The following ACOT7 variants were observed in gnomAD, a reference collection of about 807,000 sequenced individuals.
ACOT7 encodes the protein acyl-CoA thioesterase 7, also known as cytosolic acyl coenzyme A thioester hydrolase.
ACOT7 carries 12 observed loss-of-function variants against 40.2 expected under a neutral mutation model. The ratio of observed to expected loss-of-function variants is 0.30; its 90% CI spans 0.19 to 0.48. The LOEUF (loss-of-function observed/expected upper bound fraction) is 0.48. ACOT7 is among the 20% of genes least tolerant of loss of function. The probability of loss-of-function intolerance (pLI) is 0.99; values close to 1 mark genes in which losing one functional copy is unlikely to be tolerated. For missense variants in ACOT7, 395 were observed against 530.8 expected (o/e 0.74, Z 2.51); for synonymous variants, 228 against 219.5 (o/e 1.04, Z -0.34).
intron 6 of ACOT7, among the ~76,000 whole-genome samples, chr1:6,312,530 T>C (rs1640368494): frequency 1.3e-5 from 2 of 150,502 alleles, no homozygotes; most frequent in African/African-American, 2.4e-5. Context: ...TGGAGTGGCA[T>C]GATCTTGGCT....
chr1:6,297,961 A>G (rs1414730792), intron 6 of ACOT7, among the ~76,000 whole-genome samples: 1 of 152,150 alleles, frequency 6.6e-6, no homozygotes, highest in Non-Finnish European at 1.5e-5. Flanking sequence ...TTAAAGCATT[A>G]TGTTTTTATT....
At chr1:6,367,689 A>T (rs140467101) in intron 1 of ACOT7, among the ~76,000 whole-genome samples, 6 of 152,264 alleles carry the variant, frequency 3.9e-5, no homozygotes, top group Non-Finnish European at 7.4e-5. Context: ...CCAAAGAGGG[A>T]GTCACAACCC....
chr1:6,339,724 T>C lies in ACOT7; in HGVS notation c.262-135A>G. 6.8e-6 allele frequency: 7 copies of C among 1,027,284 alleles called. No individual in the cohort carries two copies. In the South Asian group the frequency reaches 1.3e-4, roughly 18 times the overall value. The allele number at this position is 1,027,284 out of a possible 1,614,324, so 63.6% of individuals were successfully genotyped here. ...TGTGAAAGCAACCAATGTATCACCA[T>C]TTATTGGCACCGCGGTTTTTTTTTT... On this transcript the variant is annotated intron_variant, in intron 2 of 8. Transcript: ENST00000361521.
chr1:6,391,787 A>ACTAC (rs1364741795), intron 1 of ACOT7, among the ~76,000 whole-genome samples: 1 of 152,172 alleles, frequency 6.6e-6, no homozygotes, highest in Non-Finnish European at 1.5e-5. Flanking sequence ...TAAGGGTGGC[A>ACTAC]CTACCGACCA....
chr1:6,270,980 C>T (rs1639017622), intron 8 of ACOT7, among the ~76,000 whole-genome samples: 1 of 152,178 alleles, frequency 6.6e-6, no homozygotes, highest in Admixed American at 6.5e-5. Flanking sequence ...TACGCTCCCT[C>T]CCTGGTGCTC....
At chr1:6,308,525 A>T (rs1264478522) in intron 6 of ACOT7, among the ~76,000 whole-genome samples, 5 of 151,948 alleles carry the variant, frequency 3.3e-5, no homozygotes, top group Non-Finnish European at 7.4e-5. Context: ...GGGCAGAGGG[A>T]ACCACAACAG....
At chr1:6,296,400 C>A (rs1188126792) in intron 6 of ACOT7, among the ~76,000 whole-genome samples, 1 of 151,924 alleles carries the variant, frequency 6.6e-6, no homozygotes, top group Non-Finnish European at 1.5e-5. Context: ...TGGTACAACA[C>A]ATATATTACA....
Position 6,388,068 on chromosome 1 carries a change from GT to G in ACOT7, c.143+5188del, listed in dbSNP as rs202170799. Reference sequence around the variant, plus strand: ...CGATTCTCCTGCCTCAGCTTCCCAAGTAACTGGGATTACAGGCACCCGCCAC... The same window carrying G: ...CGATTCTCCTGCCTCAGCTTCCCAAGAACTGGGATTACAGGCACCCGCCAC... On this transcript the variant is annotated intron_variant, in intron 1 of 8. Coordinates refer to ENST00000361521, the MANE Select transcript of ACOT7 (RefSeq NM_007274.4). Among the ~76,000 whole-genome samples, 223 of 148,866 alleles carry G rather than the reference GT, an allele frequency of 1.5e-3. 4 individuals are homozygous for G. In the East Asian group the frequency reaches 0.042, roughly 28 times the overall value.
rs558046352 is a variant in ACOT7, at chr1:6,353,271, A to T, written c.144-3405T>A. On this transcript the variant is annotated intron_variant, in intron 1 of 8. Transcript: ENST00000361521. ...GAAGAGTACGTTGCAGTGAGCCACA[A>T]TTGCACCACTGCACTCAAGCCTGGG... 2.0e-5 allele frequency among the ~76,000 whole-genome samples: 3 copies of T among 152,004 alleles called. No homozygotes were observed. The South Asian group carries it at 6.2e-4, about 32-fold the overall frequency.
rs58594477 is a variant in ACOT7 at position 6,344,763 on chromosome 1, CAAAAAAAAAAA to C, written c.261+4975_261+4985del. Reference sequence around the variant, plus strand: ...TGGGCGACAGAGCAAGACTCTGTCTCAAAAAAAAAAAAAAAAAAAAAAAAAAAGAAAAGAAG... The same window carrying C: ...TGGGCGACAGAGCAAGACTCTGTCTCAAAAAAAAAAAAAAAAGAAAAGAAG... On this transcript the variant is annotated intron_variant, in intron 2 of 8. Transcript: ENST00000361521. Among the ~76,000 whole-genome samples, 28 of 56,044 alleles carry C rather than the reference CAAAAAAAAAAA, an allele frequency of 5.0e-4. 1 individual carries two copies. The South Asian group carries it at 0.016, about 33-fold the overall frequency. 36.8% of individuals were successfully genotyped at this position (56,044 alleles called of 152,430 possible).
intron 1 of ACOT7, among the ~76,000 whole-genome samples, chr1:6,371,888 T>TA (rs1642139901): frequency 6.6e-6 from 1 of 151,510 alleles, no homozygotes; most frequent in African/African-American, 2.4e-5. Flanking sequence ...CTTCTAAAAA[T>TA]AAAAAAATTA....
chr1:6,321,943 G>C (rs1262481762), intron 5 of ACOT7, among the ~76,000 whole-genome samples: 2 of 152,220 alleles, frequency 1.3e-5, no homozygotes, highest in African/African-American at 4.8e-5. Flanking sequence ...TGGGTTTCAG[G>C]GTGTACTAAA....
intron 2 of ACOT7, 24 bp downstream of exon 2, chr1:6,349,725 G>A: frequency 1.2e-6 from 2 of 1,603,764 alleles, no homozygotes; most frequent in Non-Finnish European, 1.7e-6. Context: ...CCAGGGCCCA[G>A]AGGTATGGGG....
intron 2 of ACOT7, among the ~76,000 whole-genome samples, chr1:6,341,717 G>A (rs1159763035): frequency 6.6e-6 from 1 of 152,190 alleles, no homozygotes; most frequent in African/African-American, 2.4e-5. Flanking sequence ...GCTCCAGCCT[G>A]GGCGACAGAG....
intron 1 of ACOT7, among the ~76,000 whole-genome samples, chr1:6,388,078 T>C (rs1642469410): frequency 1.3e-5 from 2 of 151,192 alleles, no homozygotes; most frequent in Non-Finnish European, 3.0e-5. Flanking sequence ...GTAACTGGGA[T>C]TACAGGCACC....
Position 6,278,079 on chromosome 1 carries a change from T to TGG in ACOT7, c.1014+3021_1014+3022dup, listed in dbSNP as rs1204245223. ...CTGACAGTCCACGCAGCGTCTGCAG[T>TGG]GGCGGGGGGTGGTTGGGAGGGGGTC... On this transcript the variant is annotated intron_variant, in intron 8 of 8. Transcript: ENST00000361521. The surrounding 1 kb of genome is among the most constrained non-coding windows in gnomAD (Gnocchi z 4.1). Among the ~76,000 whole-genome samples, 3 of 100,698 alleles carry TGG rather than the reference T, an allele frequency of 3.0e-5. No individual in the cohort carries two copies. The highest frequency in any genetic ancestry group is 1.7e-4 in the African/African-American group (3 of 17,892). 66.1% of individuals were successfully genotyped at this position (100,698 alleles called of 152,430 possible).
At chr1:6,329,958 G>A (rs990143115) in intron 4 of ACOT7, among the ~76,000 whole-genome samples, 1 of 152,172 alleles carries the variant, frequency 6.6e-6, no homozygotes, top group African/African-American at 2.4e-5. Context: ...GGCTGGGGAG[G>A]AAGGTGGAGC....
Position 6,280,153 on chromosome 1 carries a change from G to A in ACOT7, c.1014+949C>T, listed in dbSNP as rs369367953. On this transcript the variant is annotated intron_variant, in intron 8 of 8. Transcript: ENST00000361521. ...TCCATGAGAACGCCAGCTCCCAAGA[G>A]GCCTGCGGGCACCCGCCTGCTCCCA... Among the ~76,000 whole-genome samples the A allele has an allele frequency of 2.6e-4, 40 of 152,372 alleles. 1 individual carries two copies. In the East Asian group the frequency reaches 7.3e-3, roughly 28 times the overall value.
At position 6,333,035 on chromosome 1, in the gene ACOT7, A is replaced by T. The variant is rs567602330; in HGVS notation, c.510+442T>A. 5.3e-5 allele frequency among the ~76,000 whole-genome samples: 8 copies of T among 152,258 alleles called. No homozygotes were observed. In the East Asian group the frequency reaches 1.5e-3, roughly 29 times the overall value. ...ACCAGCTTGCAGGGGCCACGGGGGA[A>T]CAGCTGGCCCGGCCCCCGCAGCCTG... is the stretch of plus-strand genomic sequence containing the variant. On this transcript the variant is annotated intron_variant, in intron 4 of 8. Coordinates refer to ENST00000361521, the MANE Select transcript of ACOT7 (RefSeq NM_007274.4).
Sources: allele counts gnomAD v4.1 joint callset (sites outside exome capture counted in the v4.1 genomes callset), GRCh38; gene constraint gnomAD v4.1.1; non-coding constraint Gnocchi (gnomAD v3.1); transcripts MANE v1.5; gene names NCBI Gene and HGNC (gene_info 2026-07-23, HGNC 2026-07-21).